THSD4: variants seen among roughly 807,000 people sequenced by gnomAD.
The protein encoded by THSD4 is thrombospondin type-1 domain-containing protein 4.
A neutral mutation model predicts 119.0 loss-of-function variants in THSD4; 69 were observed. The ratio of observed to expected loss-of-function variants is 0.58; its 90% CI spans 0.48 to 0.71. The LOEUF (loss-of-function observed/expected upper bound fraction) is 0.71. THSD4 is among the 30% of genes least tolerant of loss of function. The pLI, the probability that THSD4 is intolerant of heterozygous loss-of-function variation, is 0.00. For missense variants in THSD4, 1,393 were observed against 1,391.1 expected (o/e 1.00, Z -0.02); for synonymous variants, 524 against 540.4 (o/e 0.97, Z 0.42).
chr15:71,363,105 G>C (rs1157263688), intron 6 of THSD4, among the ~76,000 whole-genome samples: 2 of 152,162 alleles, frequency 1.3e-5, no homozygotes, highest in Non-Finnish European at 2.9e-5. Context: ...CAAGCTTGCT[G>C]TAAAGGGTAC....
intron 6 of THSD4, among the ~76,000 whole-genome samples, chr15:71,310,207 C>G (rs558968306): frequency 7.2e-5 from 11 of 152,306 alleles, no homozygotes; most frequent in African/African-American, 2.6e-4. Flanking sequence ...GAAATCAGCA[C>G]AGACCTTATG....
chr15:71,639,179 C>T (rs2050807261), intron 7 of THSD4, among the ~76,000 whole-genome samples: 4 of 152,182 alleles, frequency 2.6e-5, no homozygotes, highest in Admixed American at 2.6e-4. Flanking sequence ...AAGCCAGATA[C>T]TGAGAAACAT....
chr15:71,633,862 T>C lies in THSD4; in HGVS notation c.1153-26668T>C, dbSNP rs560638406. 5.6e-4 allele frequency among the ~76,000 whole-genome samples: 85 copies of C among 152,168 alleles called. 1 individual carries two copies. The highest frequency in any genetic ancestry group is 1.9e-3 in the African/African-American group (80 of 41,536). On this transcript the variant is annotated intron_variant, in intron 7 of 17. Transcript: ENST00000261862. ...AGACTCCCAGCTTGGTTTATGCCCT[T>C]CCACAAAAAACTAGCTCCATCATCT... is the stretch of plus-strand genomic sequence containing the variant.
intron 7 of THSD4, among the ~76,000 whole-genome samples, chr15:71,442,448 A>G (rs560330272): frequency 1.6e-3 from 245 of 150,142 alleles, no homozygotes; most frequent in African/African-American, 5.7e-3. Context: ...ACATACCTGT[A>G]ATCCCAGCTA....
chr15:71,189,571 G>A (rs1436573517), intron 3 of THSD4, among the ~76,000 whole-genome samples: 1 of 152,036 alleles, frequency 6.6e-6, no homozygotes, highest in East Asian at 1.9e-4. Context: ...TCGGGAGGCT[G>A]AGGCAGGAGA....
intron 7 of THSD4, among the ~76,000 whole-genome samples, chr15:71,485,841 A>G (rs956652192): frequency 1.5e-4 from 23 of 152,330 alleles, no homozygotes; most frequent in Middle Eastern, 6.8e-3. Flanking sequence ...TTGTGGTCAT[A>G]CTTAGTTATT....
At chr15:71,111,111 G>T, upstream of THSD4, 1 of 1,568,640 alleles carries the variant, frequency 6.4e-7, no homozygotes, top group Non-Finnish European at 8.7e-7. Context: ...GAATATCTGG[G>T]ATTCCAAAAG....
At chr15:71,569,819 C>T (rs1304130492) in intron 7 of THSD4, among the ~76,000 whole-genome samples, 2 of 152,096 alleles carry the variant, frequency 1.3e-5, no homozygotes, top group Non-Finnish European at 2.9e-5. Context: ...CATGGTGAAA[C>T]CCTATCTCTA....
intron 6 of THSD4, among the ~76,000 whole-genome samples, chr15:71,378,632 C>A (rs1035507151): frequency 6.6e-6 from 1 of 152,178 alleles, no homozygotes; most frequent in Non-Finnish European, 1.5e-5. Context: ...CTGTTCCACT[C>A]CATTATGCTT....
At chr15:71,207,380 G>A (rs929094291) in intron 3 of THSD4, among the ~76,000 whole-genome samples, 2 of 152,222 alleles carry the variant, frequency 1.3e-5, no homozygotes, top group Admixed American at 6.5e-5. Context: ...TAATCATGAG[G>A]CTTCTGCCAA....
At chr15:71,556,288 T>C (rs977899342) in intron 7 of THSD4, among the ~76,000 whole-genome samples, 5 of 152,230 alleles carry the variant, frequency 3.3e-5, no homozygotes, top group African/African-American at 4.8e-5. Flanking sequence ...AAGCTTTACA[T>C]TTAATTAAGT....
intron 8 of THSD4, among the ~76,000 whole-genome samples, chr15:71,684,690 G>T: frequency 6.6e-6 from 1 of 151,234 alleles, no homozygotes. Flanking sequence ...ACCTTATTTG[G>T]GATTTTTAAA....
At chr15:71,303,808 C>A (rs112313550) in intron 6 of THSD4, among the ~76,000 whole-genome samples, 2,319 of 152,244 alleles carry the variant, frequency 0.015, 17 homozygotes, top group Middle Eastern at 0.024. Context: ...CACCACCAGA[C>A]AAATATAGAC....
intron 3 of THSD4, among the ~76,000 whole-genome samples, chr15:71,199,889 T>TA (rs2043781821): frequency 2.2e-5 from 1 of 44,550 alleles, no homozygotes; most frequent in Non-Finnish European, 8.6e-5. Flanking sequence ...GGTGCATGTG[T>TA]GGTATGTGTG....
At chr15:71,464,649 T>G (rs1483190179) in intron 7 of THSD4, among the ~76,000 whole-genome samples, 4 of 152,212 alleles carry the variant, frequency 2.6e-5, no homozygotes, top group African/African-American at 7.2e-5. Context: ...GTATCATCTT[T>G]CTCACTCATC....
chr15:71,191,055 C>G (rs1283900558), intron 3 of THSD4, among the ~76,000 whole-genome samples: 1 of 152,200 alleles, frequency 6.6e-6, no homozygotes, highest in African/African-American at 2.4e-5. Flanking sequence ...GTTGATCACT[C>G]TCTCTGTTCC....
intron 3 of THSD4, among the ~76,000 whole-genome samples, chr15:71,174,839 G>C (rs1471531020): frequency 1.3e-5 from 2 of 151,768 alleles, no homozygotes; most frequent in Non-Finnish European, 3.0e-5. Flanking sequence ...CCCTGACCCC[G>C]AGCAGCCTAA....
intron 4 of THSD4, among the ~76,000 whole-genome samples, chr15:71,220,787 G>T (rs1677279954): frequency 2.0e-5 from 3 of 152,160 alleles, no homozygotes; most frequent in Admixed American, 2.0e-4. Context: ...AGATGGGTGG[G>T]ACTCTGGGAA....
At chr15:71,509,754 G>A (rs988922307) in intron 7 of THSD4, among the ~76,000 whole-genome samples, 2 of 152,134 alleles carry the variant, frequency 1.3e-5, no homozygotes, top group African/African-American at 4.8e-5. Flanking sequence ...AAAAGTGGTG[G>A]ATCCTAGGTA....
Sources: gnomAD v4.1 joint callset for allele counts (sites outside exome capture counted in the v4.1 genomes callset) on GRCh38, gnomAD v4.1.1 for gene constraint, MANE v1.5 for transcripts, NCBI Gene and HGNC (gene_info 2026-07-23, HGNC 2026-07-21) for gene names.